Variants in TRIM6 observed in about 807,000 individuals in gnomAD.
The protein encoded by TRIM6 is tripartite motif containing 6.
In TRIM6, 43 loss-of-function variants were observed where a neutral mutation model predicts 51.2. The ratio of observed to expected loss-of-function variants is 0.84; its 90% CI spans 0.66 to 1.08. The LOEUF (loss-of-function observed/expected upper bound fraction) is 1.08. Ranked by LOEUF, TRIM6 falls within the 50% of genes least tolerant of loss-of-function variation. The pLI is 0.00. For synonymous variants in TRIM6, 215 were observed against 232.4 expected, an observed-to-expected ratio of 0.93 and a Z score of 0.68; for missense variants, 669 against 619.0, an observed-to-expected ratio of 1.08 and a Z score of -0.86.
intron 4 of TRIM6, among the ~76,000 whole-genome samples, chr11:5,607,816 A>G (rs1848316578): frequency 6.6e-6 from 1 of 152,224 alleles, no homozygotes; most frequent in Non-Finnish European, 1.5e-5. Flanking sequence ...TACCTGTGAC[A>G]TATTTGCTGG....
In TRIM6 at chr11:5,596,868, T is replaced by A; in HGVS notation, c.-30T>A. On this transcript the variant is annotated 5_prime_UTR_variant, in exon 1 of 8. Coordinates refer to ENST00000380097, the MANE Select transcript of TRIM6 (RefSeq NM_001003818.3). ...CTTTGACCACCTGATATTGCTTACATCTGGAACTTCTTGGCTTCTCATTCC... is the reference window on the plus strand; with the variant it reads ...CTTTGACCACCTGATATTGCTTACAACTGGAACTTCTTGGCTTCTCATTCC... 6.2e-7 allele frequency: 1 copy of A among 1,613,888 alleles called. No homozygotes were observed. Among genetic ancestry groups the A allele is most frequent in the African/African-American group, 1.3e-5 (1 of 74,952 alleles).
chr11:5,599,693 G>A (rs1219135165), intron 1 of TRIM6, among the ~76,000 whole-genome samples: 2 of 143,634 alleles, frequency 1.4e-5, no homozygotes, highest in African/African-American at 2.5e-5. Flanking sequence ...TTGGGCCACC[G>A]CGCCCGGCCA....
chr11:5,599,625 G>A (rs1847710514), intron 1 of TRIM6, among the ~76,000 whole-genome samples: 2 of 152,004 alleles, frequency 1.3e-5, no homozygotes, highest in African/African-American at 2.4e-5. Flanking sequence ...GGATGGTCTC[G>A]ATCTCCTGAC....
At position 5,611,736 on chromosome 11, in the gene TRIM6, A is replaced by T; in HGVS notation, c.*394A>T. The T allele has an allele frequency of 4.9e-6, 1 of 202,728 alleles. No individual in the cohort carries two copies. Among genetic ancestry groups the T allele is most frequent in the Non-Finnish European group, 1.0e-5 (1 of 98,882 alleles). The allele number at this position is 202,728 out of a possible 1,614,324, so 12.6% of individuals were successfully genotyped here. On this transcript the variant is annotated 3_prime_UTR_variant, in exon 8 of 8. Transcript: ENST00000380097. Reference sequence around the variant, plus strand: ...CCAAAGTGCTGGGATTACAGATGTGAGCCGCCGCGCCCAGACAGTTCTTTC... The same window carrying T: ...CCAAAGTGCTGGGATTACAGATGTGTGCCGCCGCGCCCAGACAGTTCTTTC...
chr11:5,607,267 A>G (rs1848282053), intron 4 of TRIM6, among the ~76,000 whole-genome samples: 1 of 152,204 alleles, frequency 6.6e-6, no homozygotes, highest in Non-Finnish European at 1.5e-5. Flanking sequence ...AGCCAACATA[A>G]GAGAAGTAGC....
At position 5,596,835 on chromosome 11, in the gene TRIM6, C is replaced by G. The variant is rs1481193202; in HGVS notation, c.-63C>G. On this transcript the variant is annotated 5_prime_UTR_variant, in exon 1 of 8. Coordinates refer to ENST00000380097, the MANE Select transcript of TRIM6 (RefSeq NM_001003818.3). ...TTAGTTTAAGGTGCCTTGGATTGCT[C>G]TGAAGAGCTTTGACCACCTGATATT... 6.2e-6 allele frequency: 10 copies of G among 1,613,298 alleles called. No individual in the cohort carries two copies. In the Admixed American group the frequency reaches 1.5e-4, roughly 24 times the overall value.
intron 2 of TRIM6, among the ~76,000 whole-genome samples, chr11:5,604,173 T>C (rs936035647): frequency 1.5e-5 from 2 of 132,922 alleles, no homozygotes; most frequent in African/African-American, 5.1e-5. Flanking sequence ...TGTGTGTGTG[T>C]GTGCGTGTGT....
chr11:5,599,467 G>A (rs56253733), intron 1 of TRIM6, among the ~76,000 whole-genome samples: 8 of 151,976 alleles, frequency 5.3e-5, no homozygotes, highest in Middle Eastern at 3.4e-3. Flanking sequence ...GCAGTGGCAC[G>A]ATCTCGACTC....
chr11:5,606,785 T>C (rs766527330), intron 4 of TRIM6, among the ~76,000 whole-genome samples: 1 of 152,222 alleles, frequency 6.6e-6, no homozygotes, highest in Non-Finnish European at 1.5e-5. Flanking sequence ...CATTCATTAG[T>C]ATGACTGCCC....
At chr11:5,600,093 T>G (rs1847745121) in intron 1 of TRIM6, among the ~76,000 whole-genome samples, 2 of 152,224 alleles carry the variant, frequency 1.3e-5, no homozygotes, top group South Asian at 4.1e-4. Context: ...CAATTAGTAC[T>G]ACCAGTTAGA....
intron 1 of TRIM6, among the ~76,000 whole-genome samples, chr11:5,602,879 G>C (rs1319326192): frequency 6.6e-6 from 1 of 151,768 alleles, no homozygotes; most frequent in African/African-American, 2.4e-5. Flanking sequence ...GCTTGAACCT[G>C]GGAGGCGGAG....
At position 5,611,924 on chromosome 11, in the gene TRIM6, G is replaced by C. The variant is rs1848594967; in HGVS notation, c.*582G>C. On this transcript the variant is annotated 3_prime_UTR_variant, in exon 8 of 8. Coordinates refer to ENST00000380097, the MANE Select transcript of TRIM6 (RefSeq NM_001003818.3). Reference sequence around the variant, plus strand: ...TGATTGATGCAGGGGATCAAATTTAGGAAGTTCTGATCTGTTAATTTACTA... The same window carrying C: ...TGATTGATGCAGGGGATCAAATTTACGAAGTTCTGATCTGTTAATTTACTA... 1 of 152,098 alleles carries C rather than the reference G, an allele frequency of 6.6e-6. No individual in the cohort carries two copies. Among genetic ancestry groups the C allele is most frequent in the Non-Finnish European group, 1.5e-5 (1 of 68,036 alleles). The allele number at this position is 152,098 out of a possible 1,614,324, so 9.4% of individuals were successfully genotyped here. A position where few individuals can be genotyped will look rare whatever the true frequency, so the allele number is the denominator to read the frequency against.
At position 5,610,604 on chromosome 11, in the gene TRIM6, C is replaced by G. The variant is rs368085135; in HGVS notation, c.985+43C>G. The G allele has an allele frequency of 8.1e-6, 13 of 1,600,274 alleles. No homozygotes were observed. The East Asian group carries it at 2.9e-4, about 36-fold the overall frequency. On this transcript the variant is annotated intron_variant, in intron 7 of 7. Transcript: ENST00000380097. ...CCTCTTTGGGCTGGCACATTCTGAT[C>G]TCCTTTCACATGCCCTCCCCAGACA...
intron 1 of TRIM6, 125 bp downstream of exon 1, chr11:5,597,039 C>T (rs866944318): frequency 6.7e-7 from 1 of 1,495,918 alleles, no homozygotes; most frequent in Non-Finnish European, 9.1e-7. Flanking sequence ...TTCTTTCTCA[C>T]TGCAAATGAC....
chr11:5,610,261 G>A lies in TRIM6; in HGVS notation c.958+16G>A, dbSNP rs1163701972. On this transcript the variant is annotated intron_variant, in intron 6 of 7. Transcript: ENST00000380097. ...GTGTGTAGAGGTAAGGAGATTCAGG[G>A]GAAAGAGTTTGGATGTGAAATTACT... The A allele has an allele frequency of 6.2e-7, 1 of 1,613,948 alleles. No individual in the cohort carries two copies. The highest frequency in any genetic ancestry group is 8.5e-7 in the Non-Finnish European group (1 of 1,179,950).
chr11:5,601,918 T>C (rs1847881103), intron 1 of TRIM6, among the ~76,000 whole-genome samples: 2 of 152,088 alleles, frequency 1.3e-5, no homozygotes, highest in African/African-American at 4.8e-5. Context: ...CAGAGAGTGA[T>C]GCAAAGGTGA....
intron 1 of TRIM6, among the ~76,000 whole-genome samples, chr11:5,602,276 TA>T (rs71053283): frequency 0.39 from 59,229 of 151,556 alleles, 13,414 homozygotes; most frequent in Non-Finnish European, 0.51. Context: ...TCATCTCTAC[TA>T]AAAAATACAA....
intron 4 of TRIM6, among the ~76,000 whole-genome samples, chr11:5,607,160 C>G (rs1047501860): frequency 1.3e-5 from 2 of 151,950 alleles, no homozygotes; most frequent in Non-Finnish European, 2.9e-5. Flanking sequence ...GCCGAGATCG[C>G]ACCACTGCAC....
At chr11:5,596,543 T>TCCCCCTTCCCTCTTCCCCTC (rs1847471271), upstream of TRIM6, 1 of 24,650 alleles carries the variant, frequency 4.1e-5, no homozygotes, top group African/African-American at 1.7e-4. Context: ...CCTTCCCCCT[T>TCCCCCTTCCCTCTTCCCCTC]CCCCCTTCCC....
Sources: allele counts gnomAD v4.1 joint callset (sites outside exome capture counted in the v4.1 genomes callset), GRCh38; gene constraint gnomAD v4.1.1; transcripts MANE v1.5; gene names NCBI Gene and HGNC (gene_info 2026-07-23, HGNC 2026-07-21).